TXNDC16: variants seen among roughly 807,000 people sequenced by gnomAD.
TXNDC16 encodes the protein thioredoxin domain containing 16.
Under a neutral mutation model 85.6 loss-of-function variants are expected in TXNDC16, and 74 were observed. The ratio of observed to expected loss-of-function variants is 0.86; its 90% CI spans 0.72 to 1.05. The LOEUF is 1.05. Ranked by LOEUF, TXNDC16 falls within the 50% of genes least tolerant of loss-of-function variation. The pLI is 0.00. For synonymous variants in TXNDC16, 335 were observed against 326.5 expected (o/e 1.03, Z -0.28); for missense variants, 959 against 947.0 (o/e 1.01, Z -0.17).
At chr14:52,480,979 A>ATATATATATATATATG (rs1446104332) in intron 14 of TXNDC16, among the ~76,000 whole-genome samples, 4 of 75,742 alleles carry the variant, frequency 5.3e-5, no homozygotes, top group Non-Finnish European at 9.8e-5. Flanking sequence ...ATATATGTAT[A>ATATATATATATATATG]TATATATATA....
intron 7 of TXNDC16, among the ~76,000 whole-genome samples, chr14:52,515,622 T>C (rs972034884): frequency 6.6e-6 from 1 of 151,002 alleles, no homozygotes; most frequent in Admixed American, 6.7e-5. Context: ...TTTCAACTCA[T>C]TTCTTCTTCT....
intron 18 of TXNDC16, among the ~76,000 whole-genome samples, chr14:52,443,887 G>A (rs1232272197): frequency 6.6e-6 from 1 of 152,136 alleles, no homozygotes; most frequent in African/African-American, 2.4e-5. Context: ...GAAGGAAACT[G>A]AGTTCTAAAA....
intron 6 of TXNDC16, among the ~76,000 whole-genome samples, chr14:52,525,351 A>G (rs1289165104): frequency 6.6e-6 from 1 of 152,076 alleles, no homozygotes; most frequent in East Asian, 1.9e-4. Flanking sequence ...AGTATAACAC[A>G]TAAGAATGAG....
At chr14:52,509,455 C>A (rs2036900278) in intron 9 of TXNDC16, among the ~76,000 whole-genome samples, 1 of 151,216 alleles carries the variant, frequency 6.6e-6, no homozygotes, top group African/African-American at 2.4e-5. Flanking sequence ...GGGTATTCTC[C>A]CAACATGAAA....
chr14:52,546,423 G>C (rs568126680), intron 1 of TXNDC16, among the ~76,000 whole-genome samples: 1 of 152,320 alleles, frequency 6.6e-6, no homozygotes, highest in African/African-American at 2.4e-5. Flanking sequence ...TCTCCTTGCA[G>C]TTACTAATTA....
At chr14:52,516,457 T>G (rs1284538431) in intron 7 of TXNDC16, among the ~76,000 whole-genome samples, 1 of 152,192 alleles carries the variant, frequency 6.6e-6, no homozygotes, top group African/African-American at 2.4e-5. Context: ...AGAAGTTCGA[T>G]GCTATTCTCA....
At chr14:52,516,891 T>A (rs2037095549) in intron 7 of TXNDC16, among the ~76,000 whole-genome samples, 1 of 152,094 alleles carries the variant, frequency 6.6e-6, no homozygotes, top group African/African-American at 2.4e-5. Context: ...CTCTCTCTAG[T>A]ACTACTCCTG....
intron 18 of TXNDC16, among the ~76,000 whole-genome samples, chr14:52,441,760 G>A (rs971717872): frequency 3.9e-5 from 6 of 152,090 alleles, no homozygotes; most frequent in African/African-American, 1.4e-4. Context: ...ACCTTCAGAG[G>A]ACAAAGAGGA....
At chr14:52,451,264 A>T (rs767907422) in intron 18 of TXNDC16, among the ~76,000 whole-genome samples, 31 of 141,056 alleles carry the variant, frequency 2.2e-4, no homozygotes, top group Middle Eastern at 3.7e-3. Context: ...ATTGAAATTT[A>T]AAAAAAAAAA....
At chr14:52,488,544 G>C in intron 11 of TXNDC16, 58 bp from the exon 12 acceptor site, 1 of 1,425,230 alleles carries the variant, frequency 7.0e-7, no homozygotes, top group Non-Finnish European at 9.5e-7. Context: ...ACATAAAAAT[G>C]TTTTACTTGG....
rs76732467 is a variant in TXNDC16 at position 52,520,471 on chromosome 14, G to A, written c.393-1178C>T. ...CTAAAAATAAAAAAATTAGCCAGGC[G>A]CAGTGGCGGGCACTTGTAGTCCCAG... On this transcript the variant is annotated intron_variant, in intron 6 of 20. Transcript: ENST00000281741. Among the ~76,000 whole-genome samples the A allele has an allele frequency of 5.0e-3, 760 of 152,162 alleles. 14 individuals are homozygous for A. The highest frequency in any genetic ancestry group is 0.039 in the Admixed American group (601 of 15,276).
chr14:52,519,933 A>T (rs1041929803), intron 6 of TXNDC16, among the ~76,000 whole-genome samples: 7 of 152,134 alleles, frequency 4.6e-5, no homozygotes, highest in Non-Finnish European at 4.4e-5. Context: ...ACAACTTATA[A>T]TTATTTATAT....
chr14:52,474,236 G>A (rs2035970347), intron 14 of TXNDC16, among the ~76,000 whole-genome samples: 1 of 152,178 alleles, frequency 6.6e-6, no homozygotes. Flanking sequence ...ATTAAATGGG[G>A]TGGAGAGAGG....
intron 9 of TXNDC16, among the ~76,000 whole-genome samples, chr14:52,495,272 AG>A (rs1198177516): frequency 2.5e-4 from 38 of 152,318 alleles, no homozygotes; most frequent in African/African-American, 9.1e-4. Flanking sequence ...GACTATTAGG[AG>A]CTCAGCCAGG....
intron 6 of TXNDC16, among the ~76,000 whole-genome samples, chr14:52,527,623 C>T (rs146306454): frequency 3.3e-5 from 5 of 152,110 alleles, no homozygotes; most frequent in African/African-American, 9.7e-5. Flanking sequence ...ATTCTTCAAA[C>T]CTTGCTATGT....
In TXNDC16 at chr14:52,490,595, G is replaced by A. The variant is rs542880491; in HGVS notation, c.924-144C>T. The A allele has an allele frequency of 7.3e-5, 57 of 785,914 alleles. 1 individual carries two copies. The highest frequency in any genetic ancestry group is 4.4e-4 in the South Asian group (19 of 43,436). 48.7% of individuals were successfully genotyped at this position (785,914 alleles called of 1,614,324 possible). ...ATTTAGTGACTGAAAAATTTTACAC[G>A]TAAACATAGACCAGATTTTCTAGTC... On this transcript the variant is annotated intron_variant, in intron 10 of 20. Coordinates refer to ENST00000281741, the MANE Select transcript of TXNDC16 (RefSeq NM_020784.3).
At chr14:52,528,177 A>T (rs1367977163) in intron 6 of TXNDC16, among the ~76,000 whole-genome samples, 1 of 152,144 alleles carries the variant, frequency 6.6e-6, no homozygotes, top group Non-Finnish European at 1.5e-5. Flanking sequence ...TTTTCTGCTG[A>T]CGAAGTAGCA....
intron 4 of TXNDC16, among the ~76,000 whole-genome samples, chr14:52,538,317 A>C (rs1455896797): frequency 4.6e-5 from 7 of 152,212 alleles, no homozygotes; most frequent in Admixed American, 3.9e-4. Flanking sequence ...ACTTGCAAAG[A>C]ATGGTACAAC....
At chr14:52,482,118 A>C in intron 14 of TXNDC16, 112 bp downstream of exon 14, 1 of 983,392 alleles carries the variant, frequency 1.0e-6, no homozygotes. Context: ...TGGAGACACA[A>C]ACATAGTAAC....
Sources: allele counts gnomAD v4.1 joint callset (sites outside exome capture counted in the v4.1 genomes callset), GRCh38; gene constraint gnomAD v4.1.1; transcripts MANE v1.5; gene names NCBI Gene and HGNC (gene_info 2026-07-23, HGNC 2026-07-21).